The following GIGYF1 variants were observed in gnomAD, a reference collection of about 807,000 sequenced individuals.
GIGYF1 encodes GRB10-interacting GYF protein 1.
Under a neutral mutation model 147.1 loss-of-function variants are expected in GIGYF1, and 84 were observed. The ratio of observed to expected loss-of-function variants is 0.57; its 90% CI spans 0.48 to 0.68. The LOEUF is 0.68. Ranked by LOEUF, GIGYF1 falls within the 30% of genes least tolerant of loss-of-function variation. The pLI is 0.00. For synonymous variants in GIGYF1, 752 were observed against 589.5 expected (o/e 1.28, Z -3.99); for missense variants, 1,485 against 1,393.7 (o/e 1.07, Z -1.04).
At chr7:100,687,459 G>T in intron 7 of GIGYF1, 46 bp downstream of exon 7, 6 of 1,606,962 alleles carry the variant, frequency 3.7e-6, no homozygotes, top group Non-Finnish European at 4.3e-6. Context: ...CTCGAAGTCA[G>T]GGGCCCAGAT....
At chr7:100,684,203 G>A (rs755614437) in intron 17 of GIGYF1, 34 bp downstream of exon 17, 3 of 1,609,834 alleles carry the variant, frequency 1.9e-6, no homozygotes, top group South Asian at 1.1e-5. Flanking sequence ...GCCAGCGCCG[G>A]GCCTTCTCCC....
intron 8 of GIGYF1, 79 bp downstream of exon 8, chr7:100,687,219 T>C (rs1307869670): frequency 6.7e-7 from 1 of 1,488,374 alleles, no homozygotes. Context: ...GGTGGGCCTC[T>C]GTTACCCTCT....
intron 1 of GIGYF1, among the ~76,000 whole-genome samples, chr7:100,691,817 T>G (rs1351240283): frequency 6.6e-6 from 1 of 152,188 alleles, no homozygotes; most frequent in Non-Finnish European, 1.5e-5. Flanking sequence ...TCAATGCTTT[T>G]GAAAGACTGC....
rs1237917666 is a variant in GIGYF1, at chr7:100,686,356, G to A, written c.772C>T (p.Arg258Ter). 1.2e-6 allele frequency: 2 copies of A among 1,600,192 alleles called. No homozygotes were observed. Among genetic ancestry groups the A allele is most frequent in the Non-Finnish European group, 8.5e-7 (1 of 1,173,818 alleles). The change falls in exon 11 of 27, where the codon CGA (arginine) becomes TGA (stop). Residue 258 changes from arginine (R) to a stop codon, truncating the protein, a stop_gained. Coordinates refer to ENST00000678049, the MANE Select transcript of GIGYF1 (RefSeq NM_001375765.1). LOFTEE classifies it high-confidence loss of function. ...RKFEFDLRGD[R>*]GGCGEEEGRG... is the part of the protein sequence containing the mutation. ...CCCTCCTCTTCACCACACCCTCCTC[G>A]ATCCCCTCGCAAATCAAATTCAAAC...
Position 100,682,420 on chromosome 7 carries a change from A to G in GIGYF1, c.2663T>C (p.Leu888Pro), listed in dbSNP as rs781262968. The G allele has an allele frequency of 3.1e-6, 5 of 1,613,728 alleles. No individual in the cohort carries two copies. Among genetic ancestry groups the G allele is most frequent in the Middle Eastern group, 3.3e-4 (2 of 6,062 alleles). ...GGGAATGCCCTGCAGCAGCTTCAGC[A>G]GCTTCTCTTCTTCCTCCGTCTTTTT... ...IRKKTEEEEK[L>P]LKLLQGIPRP... Residue 888 changes from leucine (L) to proline (P), a missense_variant, in exon 24 of 27, where the codon CTG (leucine) becomes CCG (proline). Transcript: ENST00000678049.
At chr7:100,686,876 T>C in intron 9 of GIGYF1, 57 bp from the exon 10 acceptor site, 1 of 1,496,320 alleles carries the variant, frequency 6.7e-7, no homozygotes, top group Non-Finnish European at 8.9e-7. Flanking sequence ...GCCTGGACCC[T>C]CAAGAAACGT....
In GIGYF1 at chr7:100,686,449, C is replaced by A; in HGVS notation, c.695-16G>T. ...GGACCACCATCTGCACAGGAAAAGT[C>A]AGGGAGAAGAAGAGTGGGTACCCAA... On this transcript the variant is annotated splice_polypyrimidine_tract_variant and intron_variant, in intron 10 of 26. Transcript: ENST00000678049. 2 of 1,570,754 alleles carry A rather than the reference C, an allele frequency of 1.3e-6. No individual in the cohort carries two copies. The highest frequency in any genetic ancestry group is 1.4e-5 in the African/African-American group (1 of 73,794).
At chr7:100,690,948 G>A (rs543473622) in intron 1 of GIGYF1, among the ~76,000 whole-genome samples, 3 of 152,134 alleles carry the variant, frequency 2.0e-5, no homozygotes, top group African/African-American at 7.2e-5. Flanking sequence ...ACTGAGGACA[G>A]CGACACCAAG....
rs1804717662 is a variant in GIGYF1 at position 100,681,216 on chromosome 7, GC to G, written c.*502del. ...CCAGCTTCCAGTTACCCCATGGCCC[GC>G]CTTCTGGGGGGTAAGTATGGCCTTG... On this transcript the variant is annotated 3_prime_UTR_variant, in exon 27 of 27. Transcript: ENST00000678049. 1 of 152,682 alleles carries G rather than the reference GC, an allele frequency of 6.5e-6. No homozygotes were observed. The highest frequency in any genetic ancestry group is 1.5e-5 in the Non-Finnish European group (1 of 68,090). 9.5% of individuals were successfully genotyped at this position (152,682 alleles called of 1,614,324 possible).
In GIGYF1 at chr7:100,682,072, C is replaced by T; in HGVS notation, c.2925G>A (p.Gln975=). The part of the protein sequence containing the change: ...QKASQQRQQQ[Q]EAWLSSASLQ... ...CAGCTGCTGGTGCCGGCTGCCTCAC[C>T]TGCTGCTGCTGCCGCTGCTGGCTGG... The change falls in exon 25 of 27, where the codon CAG becomes CAA. Residue 975 remains glutamine, a splice_region_variant and synonymous_variant. Coordinates refer to ENST00000678049, the MANE Select transcript of GIGYF1 (RefSeq NM_001375765.1). 1.2e-6 allele frequency: 2 copies of T among 1,611,460 alleles called. No individual in the cohort carries two copies. The highest frequency in any genetic ancestry group is 1.7e-6 in the Non-Finnish European group (2 of 1,179,206).
Position 100,682,187 on chromosome 7 carries a change from A to C in GIGYF1, c.2810T>G (p.Val937Gly), listed in dbSNP as rs1804844309. The C allele has an allele frequency of 6.2e-7, 1 of 1,613,782 alleles. No individual in the cohort carries two copies. Among genetic ancestry groups the C allele is most frequent in the Non-Finnish European group, 8.5e-7 (1 of 1,179,956 alleles). The change falls in exon 25 of 27, where the codon GTC becomes GGC. Residue 937 changes from valine to glycine, a missense_variant. Physicochemically the swap from Val to Gly is moderately radical, Grantham distance 109 (BLOSUM62 -3). Coordinates refer to ENST00000678049, the MANE Select transcript of GIGYF1 (RefSeq NM_001375765.1). Reference protein sequence around the residue: ...ILKEVESPYDVHDYIRSCLGD... With the variant: ...ILKEVESPYDGHDYIRSCLGD... Reference sequence around the variant, plus strand: ...CAGGCAGGAACGGATATAATCGTGGACATCATAGGGGGATTCCACCTCCTT... The same window carrying C: ...CAGGCAGGAACGGATATAATCGTGGCCATCATAGGGGGATTCCACCTCCTT...
chr7:100,681,829 C>G lies in GIGYF1; in HGVS notation c.3055+35G>C, dbSNP rs1311188485. On this transcript the variant is annotated intron_variant, in intron 26 of 26. Coordinates refer to ENST00000678049, the MANE Select transcript of GIGYF1 (RefSeq NM_001375765.1). ...CTCCTGGGCTCCTCCTGCCCTGTGC[C>G]AAGGAAGTCCCGCTCCTGCCCCAGC... The G allele has an allele frequency of 5.6e-6, 9 of 1,608,564 alleles. No individual in the cohort carries two copies. The East Asian group carries it at 1.6e-4, about 28-fold the overall frequency.
chr7:100,688,248 G>A lies in GIGYF1; in HGVS notation c.-10C>T, dbSNP rs1226301199. The A allele has an allele frequency of 6.2e-7, 1 of 1,611,700 alleles. No homozygotes were observed. Among genetic ancestry groups the A allele is most frequent in the Non-Finnish European group, 8.5e-7 (1 of 1,179,016 alleles). Reference sequence around the variant, plus strand: ...GTGTCTCTGCTGCCATCGTGGGGCTGGGCGTGTTTGAGAGGCCGGGGGTGG... The same window carrying A: ...GTGTCTCTGCTGCCATCGTGGGGCTAGGCGTGTTTGAGAGGCCGGGGGTGG... On this transcript the variant is annotated 5_prime_UTR_variant, in exon 4 of 27. Coordinates refer to ENST00000678049, the MANE Select transcript of GIGYF1 (RefSeq NM_001375765.1).
chr7:100,682,408 A>G lies in GIGYF1; in HGVS notation c.2675T>C (p.Leu892Pro). Residue 892 changes from leucine to proline, a missense_variant, in exon 24 of 27, where the codon CTG becomes CCG. Leu to Pro is a moderately conservative substitution (Grantham distance 98). Coordinates refer to ENST00000678049, the MANE Select transcript of GIGYF1 (RefSeq NM_001375765.1). The stretch of plus-strand genomic sequence containing the variant: ...GTCCTGGGGCCTGGGAATGCCCTGC[A>G]GCAGCTTCAGCAGCTTCTCTTCTTC... ...TEEEEKLLKL[L>P]QGIPRPQDGF... 6.2e-7 allele frequency: 1 copy of G among 1,613,694 alleles called. No homozygotes were observed. The highest frequency in any genetic ancestry group is 8.5e-7 in the Non-Finnish European group (1 of 1,179,974).
Position 100,688,197 on chromosome 7 carries a change from G to A in GIGYF1, c.35+7C>T. On this transcript the variant is annotated splice_region_variant and intron_variant, in intron 4 of 26. Transcript: ENST00000678049. ...TCTCCACGGCAGCCGAGGCACAAGT[G>A]ACTCACCACTCAGGCCCAAAGTTGA... is the stretch of plus-strand genomic sequence containing the variant. 1.2e-6 allele frequency: 2 copies of A among 1,601,132 alleles called. No homozygotes were observed. The highest frequency in any genetic ancestry group is 1.1e-5 in the South Asian group (1 of 90,904).
At position 100,683,926 on chromosome 7, in the gene GIGYF1, G is replaced by A. The variant is rs910142805; in HGVS notation, c.1869-8C>T. ...AGGTTCTGGTCCCCGCCTCTGAGGA[G>A]CAAATTGTGGATTCTTAGGACCCCA... On this transcript the variant is annotated splice_polypyrimidine_tract_variant and splice_region_variant and intron_variant, in intron 18 of 26. Coordinates refer to ENST00000678049, the MANE Select transcript of GIGYF1 (RefSeq NM_001375765.1). 4.5e-6 allele frequency: 7 copies of A among 1,557,298 alleles called. No homozygotes were observed. Among genetic ancestry groups the A allele is most frequent in the Non-Finnish European group, 5.2e-6 (6 of 1,150,652 alleles).
chr7:100,681,326 AT>A lies in GIGYF1; in HGVS notation c.*392del, dbSNP rs146231586. On this transcript the variant is annotated 3_prime_UTR_variant, in exon 27 of 27. Transcript: ENST00000678049. ...TGTTTTTTCTTTCAGCCTCCTAACCATTTTTTTTTTCATTTTTCATCTTTTT... is the reference window on the plus strand; with the variant it reads ...TGTTTTTTCTTTCAGCCTCCTAACCATTTTTTTTTCATTTTTCATCTTTTT... 31,243 of 138,674 alleles carry A rather than the reference AT, an allele frequency of 0.23. 3,452 individuals carry two copies. The highest frequency in any genetic ancestry group is 0.24 in the Non-Finnish European group (16,287 of 67,152). 8.6% of individuals were successfully genotyped at this position (138,674 alleles called of 1,614,324 possible).
At chr7:100,687,209 G>T in intron 8 of GIGYF1, 89 bp downstream of exon 8, 1 of 1,455,822 alleles carries the variant, frequency 6.9e-7, no homozygotes, top group Non-Finnish European at 9.6e-7. Context: ...GGGCTTATCT[G>T]GTGGGCCTCT....
chr7:100,685,516 G>C, intron 12 of GIGYF1, 35 bp from the exon 13 acceptor site: 6 of 1,584,714 alleles, frequency 3.8e-6, no homozygotes, highest in Non-Finnish European at 5.1e-6. Flanking sequence ...TCAGAACCAA[G>C]GGCTGGGCCT....
Sources: gnomAD v4.1 joint callset for allele counts (sites outside exome capture counted in the v4.1 genomes callset) on GRCh38, gnomAD v4.1.1 for gene constraint, MANE v1.5 for transcripts, NCBI Gene and HGNC (gene_info 2026-07-23, HGNC 2026-07-21) for gene names.